FAM168A: variants seen among roughly 807,000 people sequenced by gnomAD.
FAM168A encodes family with sequence similarity 168 member A, also known as protein FAM168A.
A neutral mutation model predicts 28.5 loss-of-function variants in FAM168A; 3 were observed. That is an observed-to-expected ratio of 0.11 (90% CI 0.05 to 0.27). The LOEUF (loss-of-function observed/expected upper bound fraction) is 0.27, where lower values mean the gene tolerates loss of function less well. FAM168A is among the 10% of genes least tolerant of loss of function. The pLI is 1.00. For synonymous variants in FAM168A, 122 were observed against 124.2 expected, an observed-to-expected ratio of 0.98 and a Z score of 0.12; for missense variants, 222 against 311.5, an observed-to-expected ratio of 0.71 and a Z score of 2.16.
rs1459878713 is a variant in FAM168A at position 73,407,797 on chromosome 11, C to T, written c.596-154G>A. Among the ~76,000 whole-genome samples, 8 of 152,262 alleles carry T rather than the reference C, an allele frequency of 5.3e-5. 1 individual carries two copies. The highest frequency in any genetic ancestry group is 2.0e-4 in the Admixed American group (3 of 15,292). On this transcript the variant is annotated intron_variant, in intron 6 of 7. Coordinates refer to ENST00000356467, the MANE Select transcript of FAM168A (RefSeq NM_015159.3). The stretch of plus-strand genomic sequence containing the variant: ...ATGACCTGTTTTCTGCCCTTCTCCA[C>T]CTCACCAGGCTTCACCTCCTTAGGG...
chr11:73,433,353 T>G (rs1329670906), intron 2 of FAM168A, among the ~76,000 whole-genome samples: 1 of 145,322 alleles, frequency 6.9e-6, no homozygotes, highest in Non-Finnish European at 1.5e-5. Flanking sequence ...ACTTTCTTTA[T>G]AAAGCCTTTG....
At chr11:73,506,217 C>A (rs926640781) in intron 1 of FAM168A, among the ~76,000 whole-genome samples, 8 of 152,054 alleles carry the variant, frequency 5.3e-5, no homozygotes, top group Non-Finnish European at 1.0e-4. Flanking sequence ...TCTAACCAGG[C>A]CTTTGAGGGG....
chr11:73,501,055 CAA>C (rs1855002559), intron 1 of FAM168A, among the ~76,000 whole-genome samples: 1 of 149,970 alleles, frequency 6.7e-6, no homozygotes, highest in Non-Finnish European at 1.5e-5. Context: ...TAGTCTCTGA[CAA>C]AACAGGCTTT....
At chr11:73,433,021 C>T (rs1867023030) in intron 2 of FAM168A, among the ~76,000 whole-genome samples, 1 of 151,562 alleles carries the variant, frequency 6.6e-6, no homozygotes, top group South Asian at 2.1e-4. Context: ...AAGCAATCCT[C>T]CTGCTTCAGC....
At chr11:73,541,518 G>A (rs966377698) in intron 1 of FAM168A, among the ~76,000 whole-genome samples, 1 of 151,786 alleles carries the variant, frequency 6.6e-6, no homozygotes, top group Non-Finnish European at 1.5e-5. Flanking sequence ...GACTACAGGC[G>A]CCTGCCACCA....
intron 1 of FAM168A, among the ~76,000 whole-genome samples, chr11:73,503,517 G>T (rs1400361936): frequency 1.3e-5 from 2 of 152,066 alleles, no homozygotes; most frequent in African/African-American, 4.8e-5. Context: ...CAAACAAATG[G>T]AAAAACATTC....
chr11:73,460,804 C>G lies in FAM168A; in HGVS notation c.70+7601G>C, dbSNP rs183397122. ...CAGGCGTGAGCCACTGTGCCCAGCC[C>G]CTCAAAGCACTTTTGAAGTAAGCAG... On this transcript the variant is annotated intron_variant, in intron 2 of 7. Transcript: ENST00000356467. 1.7e-4 allele frequency among the ~76,000 whole-genome samples: 26 copies of G among 152,234 alleles called. No individual in the cohort carries two copies. In the East Asian group the frequency reaches 4.8e-3, roughly 28 times the overall value.
chr11:73,570,180 C>G (rs1256785793), intron 1 of FAM168A, among the ~76,000 whole-genome samples: 1 of 152,112 alleles, frequency 6.6e-6, no homozygotes. Flanking sequence ...TGCTTGGGTT[C>G]TAATCACAGC....
intron 3 of FAM168A, among the ~76,000 whole-genome samples, chr11:73,426,703 CTGTGTGTGTGTG>C (rs34499254): frequency 1.4e-5 from 2 of 144,204 alleles, no homozygotes; most frequent in African/African-American, 5.1e-5. Flanking sequence ...CCAAAATATG[CTGTGTGTGTGTG>C]TGTGTGTGTG....
chr11:73,591,977 G>A (rs1427966300), intron 1 of FAM168A, among the ~76,000 whole-genome samples: 2 of 152,134 alleles, frequency 1.3e-5, no homozygotes, highest in Admixed American at 1.3e-4. Flanking sequence ...AAAGATAGAG[G>A]AAGACACATT....
At chr11:73,487,697 C>G (rs931815039) in intron 1 of FAM168A, among the ~76,000 whole-genome samples, 1 of 152,128 alleles carries the variant, frequency 6.6e-6, no homozygotes, top group African/African-American at 2.4e-5. Context: ...TAATCCTTGA[C>G]CGTGTTATTA....
At chr11:73,448,927 C>CTGTTT (rs1192441974) in intron 2 of FAM168A, among the ~76,000 whole-genome samples, 3 of 152,002 alleles carry the variant, frequency 2.0e-5, no homozygotes, top group African/African-American at 7.2e-5. Context: ...ATTTAAGCTC[C>CTGTTT]TGTTTTGTTT....
intron 1 of FAM168A, among the ~76,000 whole-genome samples, chr11:73,562,463 T>A (rs1943970510): frequency 6.6e-6 from 1 of 152,222 alleles, no homozygotes; most frequent in Non-Finnish European, 1.5e-5. Context: ...GAATGAAGCG[T>A]ATAATGCTAG....
At chr11:73,407,250 G>A (rs1302153808) in intron 7 of FAM168A, among the ~76,000 whole-genome samples, 2 of 152,148 alleles carry the variant, frequency 1.3e-5, no homozygotes, top group Non-Finnish European at 2.9e-5. Context: ...ATTTCACAGA[G>A]CAACTATAAG....
At chr11:73,462,786 C>A (rs2134567086) in intron 2 of FAM168A, among the ~76,000 whole-genome samples, 1 of 151,590 alleles carries the variant, frequency 6.6e-6, no homozygotes, top group East Asian at 2.0e-4. Flanking sequence ...ATTGCTTGAA[C>A]CTGGGAGGCG....
intron 1 of FAM168A, among the ~76,000 whole-genome samples, chr11:73,477,776 T>C (rs1867908745): frequency 6.6e-6 from 1 of 152,078 alleles, no homozygotes; most frequent in Non-Finnish European, 1.5e-5. Context: ...CATTCCCAGA[T>C]AAATAATTGA....
chr11:73,481,995 G>A (rs1313508871), intron 1 of FAM168A, among the ~76,000 whole-genome samples: 2 of 152,004 alleles, frequency 1.3e-5, no homozygotes, highest in East Asian at 3.9e-4. Flanking sequence ...TCCTCTGGAG[G>A]ACACAGCATT....
At chr11:73,527,108 A>C (rs995503721) in intron 1 of FAM168A, among the ~76,000 whole-genome samples, 1 of 150,974 alleles carries the variant, frequency 6.6e-6, no homozygotes, top group African/African-American at 2.5e-5. Flanking sequence ...CATAACAAAC[A>C]CTCCTTAATC....
At chr11:73,539,657 C>T (rs550954722) in intron 1 of FAM168A, among the ~76,000 whole-genome samples, 18 of 152,336 alleles carry the variant, frequency 1.2e-4, no homozygotes, top group Middle Eastern at 3.4e-3. Context: ...GTCCATCAGC[C>T]ACTTCTAAGC....
Sources: gnomAD v4.1 joint callset for allele counts (sites outside exome capture counted in the v4.1 genomes callset) on GRCh38, gnomAD v4.1.1 for gene constraint, MANE v1.5 for transcripts, NCBI Gene and HGNC (gene_info 2026-07-23, HGNC 2026-07-21) for gene names.